Variants in SLC4A8 observed in about 807,000 individuals in gnomAD.
The protein encoded by SLC4A8 is solute carrier family 4 member 8.
Under a neutral mutation model 125.0 loss-of-function variants are expected in SLC4A8, and 40 were observed. That is an observed-to-expected ratio of 0.32 (90% CI 0.25 to 0.42). SLC4A8 has a LOEUF of 0.42. Among genes scored for constraint, SLC4A8 ranks in the 10% least tolerant of loss-of-function variants. SLC4A8 has a pLI of 1.00. For missense variants in SLC4A8, 863 were observed against 1,355.1 expected, an observed-to-expected ratio of 0.64 and a Z score of 5.70; for synonymous variants, 456 against 476.0, an observed-to-expected ratio of 0.96 and a Z score of 0.55.
At chr12:51,396,602 G>T (rs1196115779) in intron 1 of SLC4A8, among the ~76,000 whole-genome samples, 4 of 151,876 alleles carry the variant, frequency 2.6e-5, no homozygotes, top group Non-Finnish European at 5.9e-5. Flanking sequence ...CAGCACTTTG[G>T]GAGGCTGAGG....
chr12:51,409,297 G>A (rs1451044261), intron 1 of SLC4A8, among the ~76,000 whole-genome samples: 1 of 151,966 alleles, frequency 6.6e-6, no homozygotes, highest in Non-Finnish European at 1.5e-5. Context: ...TTTTCTTCTA[G>A]TTCTTGCACA....
In SLC4A8 at chr12:51,458,565, C is replaced by T; in HGVS notation, c.770C>T (p.Thr257Ile). Residue 257 changes from threonine (T) to isoleucine (I), a missense_variant, in exon 7 of 25, where the codon ACC becomes ATC. Physicochemically the swap from Thr to Ile is moderately conservative, Grantham distance 89. Around this residue, in one of 6 missense-constraint regions of SLC4A8, gnomAD observed 390 missense variants for 634.4 expected, o/e 0.61. Coordinates refer to ENST00000453097, the MANE Select transcript of SLC4A8 (RefSeq NM_001039960.3). ...DPHLMDKHGQTVSPQSVPTTN... is the reference protein window; with the variant it reads ...DPHLMDKHGQIVSPQSVPTTN... ...TTTTATTTTCTCCAAATAGGTCAAACCGTGTCTCCTCAGTCTGTTCCAACT... is the reference window on the plus strand; with the variant it reads ...TTTTATTTTCTCCAAATAGGTCAAATCGTGTCTCCTCAGTCTGTTCCAACT... 6.2e-7 allele frequency: 1 copy of T among 1,612,010 alleles called. No homozygotes were observed. The highest frequency in any genetic ancestry group is 1.1e-5 in the South Asian group (1 of 91,036).
intron 24 of SLC4A8, among the ~76,000 whole-genome samples, chr12:51,507,013 G>T (rs994368863): frequency 9.2e-5 from 14 of 151,872 alleles, no homozygotes; most frequent in African/African-American, 3.1e-4. Context: ...TTAATTCCTT[G>T]TATAACTTGG....
intron 1 of SLC4A8, among the ~76,000 whole-genome samples, chr12:51,433,775 A>G (rs1307400836): frequency 2.0e-5 from 3 of 151,814 alleles, no homozygotes; most frequent in Non-Finnish European, 2.9e-5. Context: ...TTTCAAGCAT[A>G]TAGCAAAGTA....
chr12:51,452,868 G>A (rs936567707), intron 4 of SLC4A8, among the ~76,000 whole-genome samples: 1 of 152,216 alleles, frequency 6.6e-6, no homozygotes, highest in African/African-American at 2.4e-5. Flanking sequence ...TAACTGACCA[G>A]TGAACCTTAC....
At chr12:51,404,065 G>T (rs1421863400) in intron 1 of SLC4A8, among the ~76,000 whole-genome samples, 1 of 152,214 alleles carries the variant, frequency 6.6e-6, no homozygotes, top group East Asian at 1.9e-4. Context: ...TTCACTCAGG[G>T]TGAAGTCAGA....
intron 2 of SLC4A8, chr12:51,441,031 T>C (rs1377636080): frequency 9.4e-6 from 11 of 1,166,496 alleles, no homozygotes; most frequent in Non-Finnish European, 9.6e-6. Context: ...TTGAACACGG[T>C]GAAGTCCAAT....
intron 18 of SLC4A8, 39 bp downstream of exon 18, chr12:51,488,899 C>T: frequency 6.4e-7 from 1 of 1,570,902 alleles, no homozygotes. Flanking sequence ...GCTGTGGCAA[C>T]CTGTTACATT....
intron 1 of SLC4A8, among the ~76,000 whole-genome samples, chr12:51,395,109 A>G (rs1948234043): frequency 6.6e-6 from 1 of 152,142 alleles, no homozygotes; most frequent in Non-Finnish European, 1.5e-5. Flanking sequence ...AAAAATGAAA[A>G]AGTTATATAT....
intron 6 of SLC4A8, 74 bp downstream of exon 6, chr12:51,457,613 G>A (rs540515887): frequency 7.3e-7 from 1 of 1,367,340 alleles, no homozygotes; most frequent in South Asian, 1.3e-5. Context: ...TGACTTACTA[G>A]GGGTGGGGGC....
intron 17 of SLC4A8, among the ~76,000 whole-genome samples, chr12:51,486,433 C>T (rs892561941): frequency 1.3e-5 from 2 of 152,164 alleles, no homozygotes; most frequent in Non-Finnish European, 2.9e-5. Context: ...ACATCTCTTT[C>T]GAAATCATCT....
At chr12:51,425,285 A>T in intron 1 of SLC4A8, 1 of 1,299,740 alleles carries the variant, frequency 7.7e-7, no homozygotes, top group South Asian at 2.2e-5. Context: ...CCGCCCGCCC[A>T]GGAGCCCTGA....
At chr12:51,503,729 G>A (rs1011222462) in intron 22 of SLC4A8, among the ~76,000 whole-genome samples, 35 of 152,220 alleles carry the variant, frequency 2.3e-4, no homozygotes, top group African/African-American at 7.9e-4. Flanking sequence ...TTTGCTAAAT[G>A]TGTCCCTTGG....
chr12:51,432,133 G>A (rs538286798), intron 1 of SLC4A8, among the ~76,000 whole-genome samples: 1 of 152,178 alleles, frequency 6.6e-6, no homozygotes, highest in South Asian at 2.1e-4. Flanking sequence ...AATGGGCCAG[G>A]CGCGGTGGCT....
At chr12:51,426,033 C>G (rs753535393) in intron 1 of SLC4A8, among the ~76,000 whole-genome samples, 4 of 152,098 alleles carry the variant, frequency 2.6e-5, no homozygotes, top group Non-Finnish European at 5.9e-5. Context: ...GGAGGCAAGT[C>G]TGAAGTACAG....
intron 1 of SLC4A8, among the ~76,000 whole-genome samples, chr12:51,419,270 G>C (rs906104330): frequency 6.6e-6 from 1 of 152,190 alleles, no homozygotes; most frequent in South Asian, 2.1e-4. Flanking sequence ...AGATAGCAGT[G>C]ATTACAAATG....
At chr12:51,414,823 G>A (rs1204315324) in intron 1 of SLC4A8, among the ~76,000 whole-genome samples, 1 of 152,160 alleles carries the variant, frequency 6.6e-6, no homozygotes, top group Non-Finnish European at 1.5e-5. Context: ...TTTATTATAT[G>A]GAGGTATGTT....
At chr12:51,470,557 C>T (rs1237492732) in intron 13 of SLC4A8, 32 bp downstream of exon 13, 4 of 1,595,128 alleles carry the variant, frequency 2.5e-6, no homozygotes, top group East Asian at 2.2e-5. Flanking sequence ...AAACTCTAAC[C>T]AGATTTAGTG....
intron 16 of SLC4A8, among the ~76,000 whole-genome samples, chr12:51,484,976 G>A (rs147845115): frequency 0.016 from 2,392 of 152,250 alleles, 29 homozygotes; most frequent in Non-Finnish European, 0.022. Context: ...GGCATGTTAG[G>A]TAGAGGCATG....
Sources: gnomAD v4.1 joint callset for allele counts (sites outside exome capture counted in the v4.1 genomes callset) on GRCh38, gnomAD v4.1.1 for gene constraint, gnomAD v4.1.1 regional missense constraint, MANE v1.5 for transcripts, NCBI Gene and HGNC (gene_info 2026-07-23, HGNC 2026-07-21) for gene names.